IMMT: variants seen among roughly 807,000 people sequenced by gnomAD.
IMMT encodes the protein MICOS complex subunit MIC60.
In IMMT, 40 loss-of-function variants were observed where a neutral mutation model predicts 92.7. The ratio of observed to expected loss-of-function variants is 0.43; its 90% CI spans 0.34 to 0.56. IMMT has a LOEUF of 0.56. Among genes scored for constraint, IMMT ranks in the 20% least tolerant of loss-of-function variants. The pLI is 0.03. For synonymous variants in IMMT, 322 were observed against 336.1 expected (o/e 0.96, Z 0.46); for missense variants, 831 against 912.1 (o/e 0.91, Z 1.14).
chr2:86,184,616 A>G (rs941432750), intron 1 of IMMT, among the ~76,000 whole-genome samples: 1 of 152,120 alleles, frequency 6.6e-6, no homozygotes, highest in African/African-American at 2.4e-5. Flanking sequence ...AACAAAACAT[A>G]AACACGAGGT....
At chr2:86,189,126 C>T (rs1672968918) in intron 1 of IMMT, among the ~76,000 whole-genome samples, 1 of 152,126 alleles carries the variant, frequency 6.6e-6, no homozygotes, top group African/African-American at 2.4e-5. Context: ...GAAAGGACAA[C>T]ACTGTTTCAA....
intron 12 of IMMT, among the ~76,000 whole-genome samples, chr2:86,149,558 G>A (rs954365235): frequency 6.6e-6 from 1 of 152,204 alleles, no homozygotes; most frequent in African/African-American, 2.4e-5. Flanking sequence ...GCTCACACCT[G>A]TAATCCCAGC....
At chr2:86,173,923 C>G (rs1056598668) in intron 3 of IMMT, among the ~76,000 whole-genome samples, 162 bp from the exon 4 acceptor site, 1 of 152,158 alleles carries the variant, frequency 6.6e-6, no homozygotes, top group Non-Finnish European at 1.5e-5. Context: ...AGAGAAACCA[C>G]CATTACTAGA....
In IMMT at chr2:86,166,444, G is replaced by T; in HGVS notation, c.792+64C>A. The T allele has an allele frequency of 2.0e-6, 3 of 1,496,042 alleles. No individual in the cohort carries two copies. The South Asian group carries it at 3.8e-5, about 19-fold the overall frequency. 92.7% of individuals were successfully genotyped at this position (1,496,042 alleles called of 1,614,324 possible). ...AAATATTACACTTCTCTCCACCCTC[G>T]ATTTTTCTTTTTGTCCTCCAAGTCA... On this transcript the variant is annotated intron_variant, in intron 7 of 14. Transcript: ENST00000410111.
chr2:86,187,649 G>C (rs938085738), intron 1 of IMMT, among the ~76,000 whole-genome samples: 1 of 152,068 alleles, frequency 6.6e-6, no homozygotes, highest in Non-Finnish European at 1.5e-5. Flanking sequence ...AGTCGCTCAC[G>C]CCTGTAATCC....
intron 1 of IMMT, among the ~76,000 whole-genome samples, chr2:86,182,981 G>C (rs1000892618): frequency 6.6e-6 from 1 of 152,056 alleles, no homozygotes; most frequent in Non-Finnish European, 1.5e-5. Flanking sequence ...TAATAGAAAA[G>C]GGTGTTTTCC....
chr2:86,158,539 A>G (rs772310641), intron 10 of IMMT, 53 bp downstream of exon 10: 1 of 1,452,636 alleles, frequency 6.9e-7, no homozygotes, highest in South Asian at 1.2e-5. Context: ...GTTTAGATTC[A>G]TTGATTAGTG....
In IMMT at chr2:86,165,158, G is replaced by A. The variant is rs557562404; in HGVS notation, c.792+1350C>T. Among the ~76,000 whole-genome samples the A allele has an allele frequency of 1.6e-3, 246 of 152,258 alleles. 1 individual carries two copies. Among genetic ancestry groups the A allele is most frequent in the Admixed American group, 2.9e-3 (44 of 15,284 alleles). On this transcript the variant is annotated intron_variant, in intron 7 of 14. Transcript: ENST00000410111. ...TCACCATGTGCTACACATTATGTGC[G>A]TTAGGAAGATGAAATACCACCTTGT...
intron 10 of IMMT, among the ~76,000 whole-genome samples, chr2:86,156,336 A>G (rs1020182358): frequency 1.6e-4 from 25 of 152,142 alleles, no homozygotes; most frequent in African/African-American, 6.0e-4. Flanking sequence ...TCACGCCTGT[A>G]ATCCCAGCAC....
chr2:86,149,542 A>G (rs758922448), intron 12 of IMMT, among the ~76,000 whole-genome samples: 1 of 152,182 alleles, frequency 6.6e-6, no homozygotes, highest in African/African-American at 2.4e-5. Context: ...TTGGCTGGGC[A>G]TGGTGGCTCA....
chr2:86,162,738 G>A (rs1676386900), intron 7 of IMMT, among the ~76,000 whole-genome samples: 1 of 152,066 alleles, frequency 6.6e-6, no homozygotes, highest in Non-Finnish European at 1.5e-5. Context: ...CAGCTACTCG[G>A]GAGGCTGAAG....
At chr2:86,192,894 G>A (rs982768075) in intron 1 of IMMT, 2 of 153,674 alleles carry the variant, frequency 1.3e-5, no homozygotes, top group Admixed American at 6.6e-5. Flanking sequence ...ATCTGAGTGA[G>A]GCAGTAGAAA....
intron 11 of IMMT, among the ~76,000 whole-genome samples, chr2:86,153,233 G>T (rs1675603778): frequency 3.3e-5 from 5 of 151,428 alleles, no homozygotes. Flanking sequence ...GATGGGTCCT[G>T]GAAGTTCTTT....
At position 86,191,747 on chromosome 2, in the gene IMMT, CAAAA is replaced by C. The variant is rs572412565; in HGVS notation, c.45+3587_45+3590del. On this transcript the variant is annotated intron_variant, in intron 1 of 14. Coordinates refer to ENST00000410111, the MANE Select transcript of IMMT (RefSeq NM_006839.3). ...TGAAACCCCGTCTCTACTAAAAATACAAAAAAAAAAAAAAAAAAAAAATTAGGCG... is the reference window on the plus strand; with the variant it reads ...TGAAACCCCGTCTCTACTAAAAATACAAAAAAAAAAAAAAAAAATTAGGCG... 8.0e-4 allele frequency among the ~76,000 whole-genome samples: 93 copies of C among 116,850 alleles called. 1 individual carries two copies. The highest frequency in any genetic ancestry group is 1.4e-3 in the South Asian group (5 of 3,464). 76.7% of individuals were successfully genotyped at this position (116,850 alleles called of 152,430 possible). A position where few individuals can be genotyped will look rare whatever the true frequency, so the allele number is the denominator to read the frequency against.
chr2:86,179,380 T>C (rs1307157682), intron 3 of IMMT, 53 bp downstream of exon 3: 1 of 1,397,094 alleles, frequency 7.2e-7, no homozygotes, highest in Non-Finnish European at 9.6e-7. Flanking sequence ...TGAAAACAAC[T>C]TGCTTTTAAA....
chr2:86,178,505 A>G (rs1395601373), intron 3 of IMMT, among the ~76,000 whole-genome samples: 1 of 151,804 alleles, frequency 6.6e-6, no homozygotes, highest in Non-Finnish European at 1.5e-5. Flanking sequence ...GCCCGCCTAT[A>G]ATCCCAGCTA....
rs987789653 is a variant in IMMT at position 86,144,016 on chromosome 2, C to G, written c.*252G>C. The G allele has an allele frequency of 7.3e-6, 4 of 551,574 alleles. No homozygotes were observed. In the East Asian group the frequency reaches 1.3e-4, roughly 17 times the overall value. 34.2% of individuals were successfully genotyped at this position (551,574 alleles called of 1,614,324 possible). On this transcript the variant is annotated 3_prime_UTR_variant, in exon 15 of 15. Coordinates refer to ENST00000410111, the MANE Select transcript of IMMT (RefSeq NM_006839.3). Reference sequence around the variant, plus strand: ...AGATCACAAACATTATTTTGATTGGCCTCACAAGCCTCATCAGTAAAACCT... The same window carrying G: ...AGATCACAAACATTATTTTGATTGGGCTCACAAGCCTCATCAGTAAAACCT...
At chr2:86,153,910 T>G (rs1558814988) in intron 10 of IMMT, among the ~76,000 whole-genome samples, 1 of 152,202 alleles carries the variant, frequency 6.6e-6, no homozygotes, top group African/African-American at 2.4e-5. Flanking sequence ...TTGCCTAGCC[T>G]GGAGTGCAGT....
intron 9 of IMMT, 179 bp downstream of exon 9, chr2:86,159,357 T>C (rs891466529): frequency 1.5e-6 from 1 of 671,212 alleles, no homozygotes; most frequent in Admixed American, 2.0e-5. Flanking sequence ...AGTGCTGGGA[T>C]TACAGGTGTG....
Sources: gnomAD v4.1 joint callset for allele counts (sites outside exome capture counted in the v4.1 genomes callset) on GRCh38, gnomAD v4.1.1 for gene constraint, MANE v1.5 for transcripts, NCBI Gene and HGNC (gene_info 2026-07-23, HGNC 2026-07-21) for gene names.